The following RAI1 variants were observed in gnomAD, a reference collection of about 807,000 sequenced individuals.
RAI1 encodes the protein retinoic acid-induced protein 1.
In RAI1, 9 loss-of-function variants were observed where a neutral mutation model predicts 123.8. The ratio of observed to expected loss-of-function variants is 0.07; its 90% CI spans 0.04 to 0.13. The LOEUF is 0.13. Ranked by LOEUF, RAI1 falls within the 10% of genes least tolerant of loss-of-function variation. The pLI is 1.00. For missense variants in RAI1, 2,256 were observed against 2,545.8 expected (o/e 0.89, Z 2.45); for synonymous variants, 1,231 against 1,127.3 (o/e 1.09, Z -1.84).
rs771870330 is a variant in RAI1, at chr17:17,796,151, C to T, written c.3203C>T (p.Thr1068Met). 2.4e-5 allele frequency: 37 copies of T among 1,565,772 alleles called. No individual in the cohort carries two copies. Among genetic ancestry groups the T allele is most frequent in the African/African-American group, 1.2e-4 (9 of 73,796 alleles). ...CTCACGGCCCTGAGTGAGCCCCGCA[C>T]GCCCGGACCCCCAGGCCTGACCACC... ...RSLTALSEPRTPGPPGLTTTP... is the reference protein window; with the variant it reads ...RSLTALSEPRMPGPPGLTTTP... The change falls in exon 3 of 6, where the codon ACG becomes ATG. Residue 1068 changes from threonine (T) to methionine (M), a missense_variant. By Grantham distance (81) the Thr-to-Met change is moderately conservative (BLOSUM62 -1). Transcript: ENST00000353383. This position sits in a 1 kb window ranked among gnomAD's most constrained non-coding sequence, Gnocchi z 5.8.
At chr17:17,754,878 A>T (rs1162830727) in intron 2 of RAI1, among the ~76,000 whole-genome samples, 1 of 152,192 alleles carries the variant, frequency 6.6e-6, no homozygotes, top group African/African-American at 2.4e-5. Context: ...CCCAGTCTAC[A>T]TTCATTGGGT....
At chr17:17,723,522 C>G (rs1398210905) in intron 1 of RAI1, among the ~76,000 whole-genome samples, 1 of 151,760 alleles carries the variant, frequency 6.6e-6, no homozygotes, top group Non-Finnish European at 1.5e-5. Flanking sequence ...CACGCCTGCG[C>G]GCGCGCGCAC....
rs1344167304 is a variant in RAI1, at chr17:17,793,226, G to A, written c.278G>A (p.Gly93Glu). Residue 93 changes from glycine (G) to glutamate (E), a missense_variant, in exon 3 of 6, where the codon GGG becomes GAG. Gly to Glu is a moderately conservative substitution (Grantham distance 98). Coordinates refer to ENST00000353383, the MANE Select transcript of RAI1 (RefSeq NM_030665.4). The stretch of plus-strand genomic sequence containing the variant: ...CTGCCCACACAGCAAGGCCTGCAGG[G>A]GAGGCCGGCTTTCCCTGGCTACGGC... ...KALPTQQGLQ[G>E]RPAFPGYGVQ... 6.2e-7 allele frequency: 1 copy of A among 1,611,932 alleles called. No homozygotes were observed. Among genetic ancestry groups the A allele is most frequent in the Admixed American group, 1.7e-5 (1 of 59,920 alleles).
intron 2 of RAI1, among the ~76,000 whole-genome samples, chr17:17,758,555 G>A (rs746529752): frequency 1.3e-5 from 2 of 152,208 alleles, no homozygotes; most frequent in Non-Finnish European, 2.9e-5. Context: ...GTTGTTTACC[G>A]ACTCACCCAC....
chr17:17,755,169 T>C (rs2030385192), intron 2 of RAI1, among the ~76,000 whole-genome samples: 1 of 152,236 alleles, frequency 6.6e-6, no homozygotes, highest in Non-Finnish European at 1.5e-5. Flanking sequence ...TTAGCAGGCC[T>C]GTTTACACAC....
chr17:17,789,985 C>G (rs2031955000), intron 2 of RAI1, among the ~76,000 whole-genome samples: 1 of 152,174 alleles, frequency 6.6e-6, no homozygotes, highest in Non-Finnish European at 1.5e-5. Context: ...TAGGCCACTT[C>G]TTCCCTGCCC....
chr17:17,711,479 G>A (rs552033705), intron 1 of RAI1, among the ~76,000 whole-genome samples: 1 of 152,322 alleles, frequency 6.6e-6, no homozygotes, highest in East Asian at 1.9e-4. Flanking sequence ...GCAGCCAAGG[G>A]CCTACGGCAT....
chr17:17,765,026 TATA>T (rs1374392376), intron 2 of RAI1, among the ~76,000 whole-genome samples: 2 of 152,242 alleles, frequency 1.3e-5, no homozygotes, highest in African/African-American at 4.8e-5. Flanking sequence ...TTGGATTGTT[TATA>T]ATCGGAGGAT....
chr17:17,695,267 C>T (rs891528219), intron 1 of RAI1, among the ~76,000 whole-genome samples: 9 of 152,322 alleles, frequency 5.9e-5, no homozygotes, highest in Admixed American at 3.9e-4. Flanking sequence ...CTGCACACCT[C>T]ACCCGGTCCA....
chr17:17,686,015 C>T (rs755730908), intron 1 of RAI1, among the ~76,000 whole-genome samples: 46 of 152,208 alleles, frequency 3.0e-4, no homozygotes, highest in Non-Finnish European at 6.0e-4. Flanking sequence ...TTTGTCTATA[C>T]TCGTGGCATA....
intron 1 of RAI1, chr17:17,684,317 G>A (rs1914547135): frequency 6.6e-6 from 1 of 151,892 alleles, no homozygotes; most frequent in Admixed American, 6.6e-5. Flanking sequence ...CTCCCTTACT[G>A]TGTCTGCTGG....
chr17:17,723,494 C>T (rs567089006), intron 1 of RAI1, among the ~76,000 whole-genome samples: 15 of 152,112 alleles, frequency 9.9e-5, no homozygotes, highest in Non-Finnish European at 1.8e-4. Context: ...CCCTCCCCTC[C>T]TCTATCTTTG....
intron 2 of RAI1, among the ~76,000 whole-genome samples, chr17:17,779,771 CTTTT>C (rs35262127): frequency 3.7e-5 from 4 of 107,938 alleles, no homozygotes; most frequent in Non-Finnish European, 3.7e-5. Flanking sequence ...CCTCCCCACC[CTTTT>C]TTTTTTTTTT....
At chr17:17,763,159 C>T (rs1011033535) in intron 2 of RAI1, among the ~76,000 whole-genome samples, 1 of 152,172 alleles carries the variant, frequency 6.6e-6, no homozygotes, top group African/African-American at 2.4e-5. Context: ...CCCCCGCTTT[C>T]CTGGGGTGGG....
chr17:17,768,337 A>G (rs2031017424), intron 2 of RAI1, among the ~76,000 whole-genome samples: 2 of 152,172 alleles, frequency 1.3e-5, no homozygotes, highest in Admixed American at 1.3e-4. Context: ...CTTTGTGAGC[A>G]AGAGGCCCTA....
chr17:17,700,899 G>A (rs1567831315), intron 1 of RAI1, among the ~76,000 whole-genome samples: 1 of 152,206 alleles, frequency 6.6e-6, no homozygotes, highest in South Asian at 2.1e-4. Flanking sequence ...GTGCCACCCT[G>A]CTCTGCACGA....
At chr17:17,759,528 C>G (rs1230950998) in intron 2 of RAI1, 2 of 148,568 alleles carry the variant, frequency 1.3e-5, no homozygotes, top group African/African-American at 4.9e-5. Flanking sequence ...TGCTCCAGAA[C>G]CAGGTACAGA....
In RAI1 at chr17:17,796,183, G is replaced by A; in HGVS notation, c.3235G>A (p.Ala1079Thr). The A allele has an allele frequency of 6.4e-7, 1 of 1,555,034 alleles. No individual in the cohort carries two copies. Among genetic ancestry groups the A allele is most frequent in the Non-Finnish European group, 8.7e-7 (1 of 1,149,718 alleles). The change falls in exon 3 of 6, where the codon GCA (alanine) becomes ACA (threonine). Residue 1079 changes from alanine to threonine, a missense_variant. Ala to Thr is a moderately conservative substitution (Grantham distance 58, BLOSUM62 0). Transcript: ENST00000353383. The surrounding 1 kb of genome is among the most constrained non-coding windows in gnomAD (Gnocchi z 5.8). ...PGPPGLTTTP[A>T]PPDKLGGKQR... ...ACCCCCAGGCCTGACCACCACCCCT[G>A]CACCCCCAGACAAACTGGGGGGCAA...
chr17:17,783,005 C>G (rs1027829522), intron 2 of RAI1, among the ~76,000 whole-genome samples: 2 of 134,006 alleles, frequency 1.5e-5, no homozygotes, highest in South Asian at 5.1e-4. Context: ...GTGCAAGGAA[C>G]AGCTGCTTCA....
Sources: gnomAD v4.1 joint callset for allele counts (sites outside exome capture counted in the v4.1 genomes callset) on GRCh38, gnomAD v4.1.1 for gene constraint, Gnocchi (gnomAD v3.1) non-coding constraint, MANE v1.5 for transcripts, NCBI Gene and HGNC (gene_info 2026-07-23, HGNC 2026-07-21) for gene names.